The following PKNOX2 variants were observed in gnomAD, a reference collection of about 807,000 sequenced individuals.
The protein encoded by PKNOX2 is homeobox protein PKNOX2.
PKNOX2 carries 14 observed loss-of-function variants against 53.1 expected under a neutral mutation model. That is an observed-to-expected ratio of 0.26 (90% CI 0.17 to 0.41). The LOEUF is 0.41. Among genes scored for constraint, PKNOX2 ranks in the 10% least tolerant of loss-of-function variants. The pLI is 1.00. For missense variants in PKNOX2, 496 were observed against 602.8 expected (o/e 0.82, Z 1.85); for synonymous variants, 257 against 242.8 (o/e 1.06, Z -0.54).
Position 125,410,853 on chromosome 11 carries a change from G to C in PKNOX2, c.793G>C (p.Ala265Pro). ...GGTCACCCAAGCAATCCCCCAGGGA[G>C]CCATCCAGATCCAGAACACACAGGT... ...QVVTQAIPQG[A>P]IQIQNTQVNL... is the part of the protein sequence containing the mutation. The change falls in exon 9 of 13, where the codon GCC (alanine) becomes CCC (proline). Residue 265 changes from alanine (A) to proline (P), a missense_variant. Transcript: ENST00000298282. The C allele has an allele frequency of 1.2e-6, 2 of 1,614,058 alleles. No homozygotes were observed. Among genetic ancestry groups the C allele is most frequent in the Non-Finnish European group, 1.7e-6 (2 of 1,179,948 alleles).
chr11:125,231,215 C>A (rs148562109), intron 1 of PKNOX2, among the ~76,000 whole-genome samples: 1 of 152,202 alleles, frequency 6.6e-6, no homozygotes, highest in African/African-American at 2.4e-5. Flanking sequence ...CTTTGCTAAA[C>A]CCCCAGCTAA....
chr11:125,228,687 T>C (rs1159472286), intron 1 of PKNOX2, among the ~76,000 whole-genome samples: 2 of 152,206 alleles, frequency 1.3e-5, no homozygotes, highest in African/African-American at 4.8e-5. Flanking sequence ...GTAAGCAATC[T>C]GCATAGAGAG....
Position 125,422,929 on chromosome 11 carries a change from A to G in PKNOX2, c.937-6083A>G, listed in dbSNP as rs770807464. Among the ~76,000 whole-genome samples, 2 of 152,180 alleles carry G rather than the reference A, an allele frequency of 1.3e-5. No homozygotes were observed. The highest frequency in any genetic ancestry group is 2.9e-5 in the Non-Finnish European group (2 of 68,044). On this transcript the variant is annotated intron_variant, in intron 10 of 12. Transcript: ENST00000298282. This position sits in a 1 kb window ranked among gnomAD's most constrained non-coding sequence, Gnocchi z 4.1. ...GTGGCTTCTTCAGAGACACAGCCAC[A>G]TGCGTCAAGCTACAGACTTATTTGT...
At chr11:125,253,991 C>T (rs777137989) in intron 2 of PKNOX2, among the ~76,000 whole-genome samples, 3 of 152,106 alleles carry the variant, frequency 2.0e-5, no homozygotes, top group East Asian at 1.9e-4. Context: ...AAGGAAGCCG[C>T]GTCTGGCTGG....
chr11:125,264,535 G>T (rs1945152289), intron 2 of PKNOX2, among the ~76,000 whole-genome samples: 1 of 152,122 alleles, frequency 6.6e-6, no homozygotes, highest in Admixed American at 6.5e-5. Context: ...GTCACCTGGT[G>T]GTCCCTGCTA....
chr11:125,187,934 C>T (rs534384891), intron 1 of PKNOX2, among the ~76,000 whole-genome samples: 3 of 152,322 alleles, frequency 2.0e-5, no homozygotes, highest in African/African-American at 7.2e-5. Context: ...AGAGCAAATA[C>T]CCACTAATCA....
At chr11:125,426,871 C>T (rs987051857) in intron 10 of PKNOX2, among the ~76,000 whole-genome samples, 1 of 152,210 alleles carries the variant, frequency 6.6e-6, no homozygotes, top group African/African-American at 2.4e-5. Flanking sequence ...CGGTGACCAG[C>T]TTTGCCTCAG....
chr11:125,214,587 G>A lies in PKNOX2; in HGVS notation c.-200-20458G>A, dbSNP rs113680071. On this transcript the variant is annotated intron_variant, in intron 1 of 12. Transcript: ENST00000298282. ...TTGCCTGGGCTGGCCCTGCCTGGGT[G>A]CAAGTTGAGCCATACCCTGGGCCAG... Among the ~76,000 whole-genome samples the A allele has an allele frequency of 9.6e-3, 1,460 of 152,176 alleles. 25 individuals are homozygous for A. Among genetic ancestry groups the A allele is most frequent in the African/African-American group, 0.033 (1,365 of 41,546 alleles).
chr11:125,368,010 A>G, intron 5 of PKNOX2, 25 bp downstream of exon 5: 1 of 1,603,796 alleles, frequency 6.2e-7, no homozygotes, highest in South Asian at 1.1e-5. Context: ...AGCTGTGTCT[A>G]CAGCCCTCAA....
chr11:125,296,013 C>T (rs749920661), intron 2 of PKNOX2, among the ~76,000 whole-genome samples: 1 of 152,120 alleles, frequency 6.6e-6, no homozygotes, highest in Non-Finnish European at 1.5e-5. Flanking sequence ...GGTGGGGTCC[C>T]CCTGACTCCT....
At chr11:125,292,469 A>T (rs1361818415) in intron 2 of PKNOX2, among the ~76,000 whole-genome samples, 1 of 151,768 alleles carries the variant, frequency 6.6e-6, no homozygotes, top group Admixed American at 6.6e-5. Flanking sequence ...GAGGGGGCTG[A>T]CCCTATCTGG....
chr11:125,293,745 A>G (rs1400487590), intron 2 of PKNOX2, among the ~76,000 whole-genome samples: 2 of 151,942 alleles, frequency 1.3e-5, no homozygotes, highest in Admixed American at 6.6e-5. Flanking sequence ...ACACACTCAC[A>G]CACACTCACA....
chr11:125,417,619 C>T (rs1955955625), intron 10 of PKNOX2, among the ~76,000 whole-genome samples: 1 of 152,056 alleles, frequency 6.6e-6, no homozygotes, highest in Non-Finnish European at 1.5e-5. Context: ...GCTCTAATCT[C>T]TTACCCACCA....
intron 10 of PKNOX2, among the ~76,000 whole-genome samples, chr11:125,413,552 G>A (rs1863589): frequency 0.41 from 62,039 of 152,048 alleles, 14,032 homozygotes; most frequent in East Asian, 0.55. Flanking sequence ...GTCTGGCTGC[G>A]CTCATTGTGG....
intron 1 of PKNOX2, among the ~76,000 whole-genome samples, chr11:125,200,645 T>C (rs1300574308): frequency 6.6e-6 from 1 of 152,144 alleles, no homozygotes; most frequent in African/African-American, 2.4e-5. Context: ...GCCACAGCCG[T>C]CACCCATGCC....
intron 7 of PKNOX2, among the ~76,000 whole-genome samples, chr11:125,405,899 G>A (rs1955061178): frequency 6.6e-6 from 1 of 152,324 alleles, no homozygotes; most frequent in Middle Eastern, 3.4e-3. Flanking sequence ...CACCACGGCT[G>A]TCTTCCTAGT....
At chr11:125,379,139 C>A (rs1276693481) in intron 5 of PKNOX2, among the ~76,000 whole-genome samples, 4 of 150,752 alleles carry the variant, frequency 2.7e-5, no homozygotes, top group Non-Finnish European at 5.9e-5. Context: ...CGGCTCACTG[C>A]GACCTCCACC....
In PKNOX2 at chr11:125,165,425, C is replaced by A. The variant is rs1954792601; in HGVS notation, c.-201+649C>A. On this transcript the variant is annotated intron_variant, in intron 1 of 12. Transcript: ENST00000298282. The surrounding 1 kb of genome is among the most constrained non-coding windows in gnomAD (Gnocchi z 4.5). ...AGGTTCTCTTTCTCCCGGCTTCGGG[C>A]GTCCTTGGGGCCGGCGCTTACTCCG... Among the ~76,000 whole-genome samples the A allele has an allele frequency of 6.6e-6, 1 of 152,144 alleles. No individual in the cohort carries two copies.
chr11:125,208,192 G>T (rs771531393), intron 1 of PKNOX2, among the ~76,000 whole-genome samples: 2 of 152,080 alleles, frequency 1.3e-5, no homozygotes, highest in Non-Finnish European at 1.5e-5. Flanking sequence ...TGGAAAACAG[G>T]CATTCCAGCA....
Sources: gnomAD v4.1 joint callset for allele counts (sites outside exome capture counted in the v4.1 genomes callset) on GRCh38, gnomAD v4.1.1 for gene constraint, Gnocchi (gnomAD v3.1) non-coding constraint, MANE v1.5 for transcripts, NCBI Gene and HGNC (gene_info 2026-07-23, HGNC 2026-07-21) for gene names.